Variants in SH2D4B observed in about 807,000 individuals in gnomAD.
The protein encoded by SH2D4B is SH2 domain containing 4B, also known as SH2 domain-containing protein 4B.
Under a neutral mutation model 61.5 loss-of-function variants are expected in SH2D4B, and 45 were observed. The ratio of observed to expected loss-of-function variants is 0.73; its 90% confidence interval spans 0.58 to 0.94. SH2D4B has a LOEUF of 0.94. Among genes scored for constraint, SH2D4B ranks in the 40% least tolerant of loss-of-function variants. SH2D4B has a pLI of 0.00. For missense variants in SH2D4B, 572 were observed against 574.2 expected, an observed-to-expected ratio of 1.00 and a Z score of 0.04; for synonymous variants, 224 against 220.4, an observed-to-expected ratio of 1.02 and a Z score of -0.14.
chr10:80,597,528 T>C (rs1842397741), intron 4 of SH2D4B, among the ~76,000 whole-genome samples: 1 of 152,088 alleles, frequency 6.6e-6, no homozygotes, highest in Non-Finnish European at 1.5e-5. Context: ...TAGCCAGGCA[T>C]GGCGGTGTGC....
intron 5 of SH2D4B, among the ~76,000 whole-genome samples, chr10:80,607,652 T>C (rs1419237032): frequency 3.3e-5 from 5 of 152,206 alleles, no homozygotes; most frequent in Non-Finnish European, 7.3e-5. Context: ...TATTCTGGGC[T>C]TATAAGGAGG....
intron 7 of SH2D4B, among the ~76,000 whole-genome samples, chr10:80,643,379 A>T (rs1269012884): frequency 6.6e-6 from 1 of 151,626 alleles, no homozygotes; most frequent in East Asian, 1.9e-4. Flanking sequence ...CCTGGAAATC[A>T]TTTCTATTGT....
In SH2D4B at chr10:80,538,837, T is replaced by C. The variant is rs1165339543; in HGVS notation, c.184+322T>C. Among the ~76,000 whole-genome samples, 1 of 152,238 alleles carries C rather than the reference T, an allele frequency of 6.6e-6. No individual in the cohort carries two copies. On this transcript the variant is annotated intron_variant, in intron 1 of 7. Coordinates refer to ENST00000646907, the MANE Select transcript of SH2D4B (RefSeq NM_001388272.1). This position sits in a 1 kb window ranked among gnomAD's most constrained non-coding sequence, Gnocchi z 4.8. ...GACTTCAGATTGTGCTCCGACGTGGTTGGCAATGGTAGGGTGAACGACGGC... is the reference window on the plus strand; with the variant it reads ...GACTTCAGATTGTGCTCCGACGTGGCTGGCAATGGTAGGGTGAACGACGGC...
intron 1 of SH2D4B, among the ~76,000 whole-genome samples, chr10:80,555,043 T>C (rs1841813062): frequency 6.6e-6 from 1 of 150,822 alleles, no homozygotes; most frequent in Non-Finnish European, 1.5e-5. Context: ...GAAATAACTT[T>C]ACAGTAAAAC....
At chr10:80,608,677 T>C (rs569136099) in intron 5 of SH2D4B, among the ~76,000 whole-genome samples, 21 of 152,062 alleles carry the variant, frequency 1.4e-4, no homozygotes, top group Non-Finnish European at 2.9e-4. Flanking sequence ...CTTCCCGTGC[T>C]CCTCCTCCTC....
chr10:80,633,256 G>C (rs1842854099), intron 6 of SH2D4B, among the ~76,000 whole-genome samples: 1 of 152,076 alleles, frequency 6.6e-6, no homozygotes, highest in Non-Finnish European at 1.5e-5. Context: ...TAAGTCCATG[G>C]GTGAGCAAAG....
Position 80,591,359 on chromosome 10 carries a change from T to C in SH2D4B, c.643+2582T>C, listed in dbSNP as rs550220711. 4.6e-5 allele frequency among the ~76,000 whole-genome samples: 7 copies of C among 152,212 alleles called. No homozygotes were observed. The East Asian group carries it at 1.4e-3, about 29-fold the overall frequency. On this transcript the variant is annotated intron_variant, in intron 4 of 7. Coordinates refer to ENST00000646907, the MANE Select transcript of SH2D4B (RefSeq NM_001388272.1). ...GAGTGACTTACAAAGAAAATAAATC[T>C]ATTTCTTATAGTTCTGGAGGCTGGG...
intron 4 of SH2D4B, among the ~76,000 whole-genome samples, chr10:80,602,353 C>T (rs905510255): frequency 6.6e-6 from 1 of 152,188 alleles, no homozygotes; most frequent in African/African-American, 2.4e-5. Flanking sequence ...CTCTCAGCTA[C>T]TCAGGAGGCT....
intron 6 of SH2D4B, among the ~76,000 whole-genome samples, chr10:80,628,770 G>C (rs1232286685): frequency 6.6e-6 from 1 of 152,178 alleles, no homozygotes; most frequent in Non-Finnish European, 1.5e-5. Flanking sequence ...GCTCATGCCT[G>C]TAATCCCAGC....
In SH2D4B at chr10:80,570,158, G is replaced by C; in HGVS notation, c.189G>C (p.Ala63=). Residue 63 remains alanine, a synonymous_variant, in exon 2 of 8, where the codon GCG becomes GCC. Transcript: ENST00000646907. The part of the protein sequence containing the change: ...GLRPPKTKRA[A]SDKHIQWLLG... ...CTTCCTTCTTCTATTGTGAAGCAGC[G>C]AGTGACAAGCACATCCAATGGCTCC... 1 of 1,614,024 alleles carries C rather than the reference G, an allele frequency of 6.2e-7. No individual in the cohort carries two copies. The highest frequency in any genetic ancestry group is 8.5e-7 in the Non-Finnish European group (1 of 1,179,972).
chr10:80,566,561 G>C (rs12571173), intron 1 of SH2D4B, among the ~76,000 whole-genome samples: 35,283 of 151,944 alleles, frequency 0.23, 5,106 homozygotes, highest in East Asian at 0.49. Context: ...CTTCCAAAGC[G>C]CTGGGATTAC....
chr10:80,571,385 C>G (rs765667193), intron 2 of SH2D4B, 46 bp from the exon 3 acceptor site: 2 of 1,573,918 alleles, frequency 1.3e-6, no homozygotes, highest in Admixed American at 1.9e-5. Flanking sequence ...TTAGGTGGTC[C>G]TTCAGTTTTT....
chr10:80,634,556 G>T, intron 7 of SH2D4B, 51 bp downstream of exon 7: 1 of 1,540,032 alleles, frequency 6.5e-7, no homozygotes, highest in Non-Finnish European at 8.8e-7. Context: ...GGTGGAAATT[G>T]GAGCTGAAGA....
intron 1 of SH2D4B, among the ~76,000 whole-genome samples, chr10:80,546,329 T>C (rs1766080911): frequency 6.6e-6 from 1 of 152,084 alleles, no homozygotes. Context: ...ATTATAGGTG[T>C]GAGCCACTGC....
At chr10:80,577,247 C>T (rs1351254850) in intron 3 of SH2D4B, among the ~76,000 whole-genome samples, 1 of 152,182 alleles carries the variant, frequency 6.6e-6, no homozygotes, top group Non-Finnish European at 1.5e-5. Context: ...ACTGATCCAC[C>T]AGACACATGA....
chr10:80,560,099 T>C (rs1841884913), intron 1 of SH2D4B, among the ~76,000 whole-genome samples: 1 of 149,838 alleles, frequency 6.7e-6, no homozygotes, highest in Non-Finnish European at 1.5e-5. Flanking sequence ...GCTATTCTCC[T>C]GCCTCAGCCT....
intron 7 of SH2D4B, among the ~76,000 whole-genome samples, chr10:80,640,277 C>T (rs941955938): frequency 6.6e-6 from 1 of 152,078 alleles, no homozygotes; most frequent in African/African-American, 2.4e-5. Context: ...TGGGGTTGCT[C>T]TTCACGAGGA....
chr10:80,571,349 C>A, intron 2 of SH2D4B, 82 bp from the exon 3 acceptor site: 1 of 1,486,292 alleles, frequency 6.7e-7, no homozygotes, highest in Non-Finnish European at 9.0e-7. Context: ...AAAAATTGCT[C>A]ATTGTTTTTA....
intron 1 of SH2D4B, among the ~76,000 whole-genome samples, chr10:80,541,898 G>A (rs1288704568): frequency 6.6e-6 from 1 of 152,184 alleles, no homozygotes; most frequent in Non-Finnish European, 1.5e-5. Context: ...GGAGATGAGG[G>A]CACGGCTGGA....
Sources: allele counts gnomAD v4.1 joint callset (sites outside exome capture counted in the v4.1 genomes callset), GRCh38; gene constraint gnomAD v4.1.1; non-coding constraint Gnocchi (gnomAD v3.1); transcripts MANE v1.5; gene names NCBI Gene and HGNC (gene_info 2026-07-23, HGNC 2026-07-21).